Variants in WFDC8 observed in about 807,000 individuals in gnomAD.
The protein encoded by WFDC8 is WAP four-disulfide core domain 8.
Under a neutral mutation model 27.0 loss-of-function variants are expected in WFDC8, and 24 were observed. The ratio of observed to expected loss-of-function variants is 0.89; its 90% CI spans 0.64 to 1.25. The LOEUF (loss-of-function observed/expected upper bound fraction) is 1.25. Among genes scored for constraint, WFDC8 ranks in the 50% most tolerant of loss-of-function variants. WFDC8 has a pLI of 0.00. For synonymous variants in WFDC8, 106 were observed against 99.7 expected, an observed-to-expected ratio of 1.06 and a Z score of -0.38; for missense variants, 287 against 295.9, an observed-to-expected ratio of 0.97 and a Z score of 0.22.
chr20:45,555,661 G>A, intron 4 of WFDC8, 40 bp downstream of exon 4: 1 of 1,607,708 alleles, frequency 6.2e-7, no homozygotes, highest in Non-Finnish European at 8.5e-7. Flanking sequence ...ACTATTTCTA[G>A]TTAAACTAGA....
At chr20:45,568,917 C>T (rs1980776224) in intron 1 of WFDC8, 1 of 224,804 alleles carries the variant, frequency 4.4e-6, no homozygotes, top group South Asian at 6.6e-5. Context: ...CAGACTGAAA[C>T]AGTAAGACTC....
intron 1 of WFDC8, among the ~76,000 whole-genome samples, chr20:45,574,986 TAAA>T (rs1402549573): frequency 6.6e-6 from 1 of 152,090 alleles, no homozygotes. Context: ...ATTTTTATGA[TAAA>T]AAATCTCAAC....
At chr20:45,553,390 T>C (rs1393591206) in intron 4 of WFDC8, 114 bp from the exon 5 acceptor site, 8 of 1,307,722 alleles carry the variant, frequency 6.1e-6, no homozygotes, top group Non-Finnish European at 8.2e-6. Context: ...TGGTTCACCC[T>C]ACCCTATCCA....
intron 1 of WFDC8, among the ~76,000 whole-genome samples, chr20:45,563,184 C>T (rs910804964): frequency 6.6e-6 from 1 of 152,116 alleles, no homozygotes; most frequent in African/African-American, 2.4e-5. Context: ...TACAATAGTG[C>T]CTATACTCTC....
intron 3 of WFDC8, 55 bp from the exon 4 acceptor site, chr20:45,555,923 G>A (rs1252055559): frequency 6.4e-7 from 1 of 1,554,136 alleles, no homozygotes. Context: ...AAAAGAACAG[G>A]GTCAGTTCCC....
intron 3 of WFDC8, among the ~76,000 whole-genome samples, chr20:45,557,839 G>T (rs960449901): frequency 1.3e-5 from 2 of 152,134 alleles, no homozygotes; most frequent in Non-Finnish European, 2.9e-5. Context: ...TACCTAGAAG[G>T]AATGAAATAC....
In WFDC8 at chr20:45,565,362, T is replaced by G. The variant is rs546631729; in HGVS notation, c.27-3143A>C. On this transcript the variant is annotated intron_variant, in intron 1 of 5. Transcript: ENST00000289953. ...CCATATCCCTCAGGATACAGGTAGA[T>G]TTTCCAGGAGGTACACAGGTACAGA... is the stretch of plus-strand genomic sequence containing the variant. 1.6e-4 allele frequency among the ~76,000 whole-genome samples: 25 copies of G among 152,304 alleles called. No homozygotes were observed. The South Asian group carries it at 3.9e-3, about 24-fold the overall frequency.
intron 1 of WFDC8, among the ~76,000 whole-genome samples, chr20:45,576,644 T>C (rs1193874891): frequency 1.3e-5 from 2 of 151,564 alleles, no homozygotes; most frequent in South Asian, 2.1e-4. Flanking sequence ...GCAATCTGCC[T>C]GCCTCGGCCT....
chr20:45,563,657 A>G (rs1272182664), intron 1 of WFDC8, among the ~76,000 whole-genome samples: 2 of 152,368 alleles, frequency 1.3e-5, no homozygotes, highest in African/African-American at 4.8e-5. Flanking sequence ...TGTTCCTATT[A>G]CCATTTTAGC....
At chr20:45,551,617 CAAAAA>C (rs11479142), downstream of WFDC8, 8 of 124,576 alleles carry the variant, frequency 6.4e-5, no homozygotes, top group East Asian at 4.8e-4. Flanking sequence ...CTCCGTCTCA[CAAAAA>C]AAAAAAAAAA....
chr20:45,565,032 GGAA>G (rs1324152478), intron 1 of WFDC8, among the ~76,000 whole-genome samples: 2 of 144,318 alleles, frequency 1.4e-5, no homozygotes, highest in East Asian at 4.0e-4. Flanking sequence ...AAGGAAGGAA[GGAA>G]GAAGAAAGGA....
At chr20:45,566,397 CA>C (rs1195614249) in intron 1 of WFDC8, among the ~76,000 whole-genome samples, 14 of 152,184 alleles carry the variant, frequency 9.2e-5, no homozygotes, top group Non-Finnish European at 1.8e-4. Flanking sequence ...TGCAGTGGCT[CA>C]TGCCTGTAAT....
chr20:45,576,133 A>C (rs1239400230), intron 1 of WFDC8, among the ~76,000 whole-genome samples: 1 of 151,406 alleles, frequency 6.6e-6, no homozygotes, highest in Non-Finnish European at 1.5e-5. Flanking sequence ...CACTCCGTAC[A>C]TATCTCCATA....
chr20:45,575,867 T>C (rs1981027455), intron 1 of WFDC8, among the ~76,000 whole-genome samples: 1 of 151,132 alleles, frequency 6.6e-6, no homozygotes, highest in Non-Finnish European at 1.5e-5. Context: ...CCCCTCCTCA[T>C]CCCCATAGCA....
intron 1 of WFDC8, among the ~76,000 whole-genome samples, chr20:45,569,894 T>C (rs140912826): frequency 1.5e-4 from 23 of 152,268 alleles, no homozygotes; most frequent in African/African-American, 5.3e-4. Flanking sequence ...AGAAACATGG[T>C]GGAGCTGGAA....
intron 1 of WFDC8, 113 bp downstream of exon 1, chr20:45,579,109 T>A (rs1312509756): frequency 1.0e-6 from 1 of 1,004,874 alleles, no homozygotes. Context: ...CTCCTCACTA[T>A]GCTTGGCCCA....
At chr20:45,552,266 T>A in intron 5 of WFDC8, 101 bp from the exon 6 acceptor site, 1 of 1,405,662 alleles carries the variant, frequency 7.1e-7, no homozygotes, top group Non-Finnish European at 9.8e-7. Flanking sequence ...TTTATTCTGA[T>A]TAAGCTTCTT....
At chr20:45,552,540 T>C (rs542417117) in intron 5 of WFDC8, among the ~76,000 whole-genome samples, 28 of 152,290 alleles carry the variant, frequency 1.8e-4, no homozygotes, top group African/African-American at 6.3e-4. Context: ...AGTTGCCCAA[T>C]GCCACATAGA....
Position 45,562,207 on chromosome 20 carries a change from G to A in WFDC8, c.39C>T (p.Leu13=). The A allele has an allele frequency of 6.2e-7, 1 of 1,614,130 alleles. No homozygotes were observed. The highest frequency in any genetic ancestry group is 1.1e-5 in the South Asian group (1 of 91,070). The change falls in exon 2 of 6, where the codon CTC becomes CTT. Residue 13 remains leucine, a synonymous_variant. Coordinates refer to ENST00000289953, the MANE Select transcript of WFDC8 (RefSeq NM_130896.3). ...TCCTCCAGGAGAAGGTGGGGCTATG[G>A]AGAGGAAAGTGCCTGTATGGATGAG... ...TVRTEGGHFP[L]HSPTFSWRNV... is the part of the protein sequence containing the mutation.
Sources: allele counts gnomAD v4.1 joint callset (sites outside exome capture counted in the v4.1 genomes callset), GRCh38; gene constraint gnomAD v4.1.1; transcripts MANE v1.5; gene names NCBI Gene and HGNC (gene_info 2026-07-23, HGNC 2026-07-21).